Variants in PMP22 observed in about 807,000 individuals in gnomAD.
The protein encoded by PMP22 is peripheral myelin protein 22, also known as Charcot-Marie-Tooth neuropathy 1A (greatly reduced nerve conduction velocity, hereditary motor sensory neuropathy Ia).
Under a neutral mutation model 18.9 loss-of-function variants are expected in PMP22, and 2 were observed. That is an observed-to-expected ratio of 0.11 (90% CI 0.04 to 0.33). The LOEUF is 0.33. PMP22 is among the 10% of genes least tolerant of loss of function. The pLI is 1.00. For missense variants in PMP22, 169 were observed against 202.2 expected (o/e 0.84, Z 1.00); for synonymous variants, 95 against 89.2 (o/e 1.07, Z -0.37).
chr17:15,239,600 A>T lies in PMP22; in HGVS notation c.190T>A (p.Ser64Thr). 6.2e-7 allele frequency: 1 copy of T among 1,613,950 alleles called. No individual in the cohort carries two copies. ...FSSSPNEWLQ[S>T]VQATMILSII... ...GACAGGATCATGGTGGCCTGGACAGACTGCAGCCATTCTGGGGGAAAGAGA... is the reference window on the plus strand; with the variant it reads ...GACAGGATCATGGTGGCCTGGACAGTCTGCAGCCATTCTGGGGGAAAGAGA... The change falls in exon 4 of 5, where the codon TCT (serine) becomes ACT (threonine). Residue 64 changes from serine to threonine, a missense_variant. Transcript: ENST00000312280.
At position 15,249,337 on chromosome 17, in the gene PMP22, T is replaced by C. The variant is rs528382820; in HGVS notation, c.179-9726A>G. ...CCTACCTCAATGCCTGCTCTGCTTT[T>C]AGGAAACCAGGGTACCTGCCCCAGG... is the stretch of plus-strand genomic sequence containing the variant. On this transcript the variant is annotated intron_variant, in intron 3 of 4. Transcript: ENST00000312280. Among the ~76,000 whole-genome samples the C allele has an allele frequency of 4.6e-5, 7 of 152,288 alleles. No homozygotes were observed. In the East Asian group the frequency reaches 1.4e-3, roughly 29 times the overall value.
chr17:15,262,762 G>T (rs1909448310), intron 1 of PMP22, among the ~76,000 whole-genome samples: 1 of 152,190 alleles, frequency 6.6e-6, no homozygotes, highest in African/African-American at 2.4e-5. Flanking sequence ...ACTTTTACTC[G>T]AAACCAGAGG....
At chr17:15,264,443 A>G (rs1432957933) in intron 1 of PMP22, among the ~76,000 whole-genome samples, 1 of 152,232 alleles carries the variant, frequency 6.6e-6, no homozygotes, top group African/African-American at 2.4e-5. Flanking sequence ...TGATCACAAC[A>G]TACTCAGGAC....
intron 3 of PMP22, among the ~76,000 whole-genome samples, chr17:15,246,359 T>C (rs1393141240): frequency 6.6e-6 from 1 of 152,220 alleles, no homozygotes; most frequent in Admixed American, 6.5e-5. Context: ...ATTTATCCAA[T>C]AAAATCTTAT....
chr17:15,247,572 G>A (rs1240578140), intron 3 of PMP22, among the ~76,000 whole-genome samples: 1 of 152,196 alleles, frequency 6.6e-6, no homozygotes, highest in African/African-American at 2.4e-5. Context: ...AGGAGCAGCT[G>A]AGCAATGAAG....
chr17:15,263,130 G>A (rs925826627), intron 1 of PMP22, among the ~76,000 whole-genome samples: 2 of 152,210 alleles, frequency 1.3e-5, no homozygotes, highest in Non-Finnish European at 2.9e-5. Flanking sequence ...CCTAGGATTG[G>A]CGGGGATTGA....
At chr17:15,239,671 C>A in intron 3 of PMP22, 60 bp from the exon 4 acceptor site, 1 of 1,588,650 alleles carries the variant, frequency 6.3e-7, no homozygotes, top group Admixed American at 1.7e-5. Flanking sequence ...GGCTCTGCCT[C>A]GAGGTGCAGG....
rs375449671 is a variant in PMP22, at chr17:15,230,993, T to G, written c.407A>C (p.Tyr136Ser). ...GGGGAAGGCCACCCAGGCCAGGATG[T>G]AGGCGAAACCGTAGGAGTAATCCGA... The part of the protein sequence containing the change: ...LNSDYSYGFA[Y>S]ILAWVAFPLA... The change falls in exon 5 of 5, where the codon TAC becomes TCC. Residue 136 changes from tyrosine to serine, a missense_variant. Physicochemically the swap from Tyr to Ser is moderately radical, Grantham distance 144. Transcript: ENST00000312280. 10 of 1,614,052 alleles carry G rather than the reference T, an allele frequency of 6.2e-6. No homozygotes were observed. Among genetic ancestry groups the G allele is most frequent in the Non-Finnish European group, 8.5e-6 (10 of 1,180,034 alleles).
chr17:15,233,965 G>A (rs1000004006), intron 4 of PMP22, among the ~76,000 whole-genome samples: 1 of 152,224 alleles, frequency 6.6e-6, no homozygotes, highest in Non-Finnish European at 1.5e-5. Flanking sequence ...GGAAACTTCA[G>A]CAGAGGAGAA....
Position 15,258,706 on chromosome 17 carries a change from C to T in PMP22, c.178+388G>A. On this transcript the variant is annotated intron_variant, in intron 3 of 4. Coordinates refer to ENST00000312280, the MANE Select transcript of PMP22 (RefSeq NM_000304.4). This position sits in a 1 kb window ranked among gnomAD's most constrained non-coding sequence, Gnocchi z 4.1. ...TGCAGCAGAAAGGGGCAGGACATTT[C>T]TGAATAGAGACAGCCACCAAACCAA... is the stretch of plus-strand genomic sequence containing the variant. 1 of 335,860 alleles carries T rather than the reference C, an allele frequency of 3.0e-6. No homozygotes were observed. The highest frequency in any genetic ancestry group is 2.5e-5 in the South Asian group (1 of 39,466). 20.8% of individuals were successfully genotyped at this position (335,860 alleles called of 1,614,324 possible).
chr17:15,249,144 C>T (rs970936988), intron 3 of PMP22, among the ~76,000 whole-genome samples: 5 of 152,206 alleles, frequency 3.3e-5, no homozygotes, highest in African/African-American at 1.2e-4. Flanking sequence ...CGTTTACAAG[C>T]ACAAAACCCA....
intron 3 of PMP22, among the ~76,000 whole-genome samples, chr17:15,246,311 A>T (rs1458023804): frequency 2.6e-5 from 4 of 152,204 alleles, no homozygotes; most frequent in African/African-American, 9.6e-5. Context: ...CATGGACAAG[A>T]TGTAAATGAG....
intron 1 of PMP22, among the ~76,000 whole-genome samples, chr17:15,264,365 A>T (rs1219697197): frequency 3.9e-5 from 6 of 152,156 alleles, no homozygotes; most frequent in Admixed American, 3.9e-4. Context: ...TATAAGTTAG[A>T]TTTGCTCTAG....
intron 4 of PMP22, among the ~76,000 whole-genome samples, chr17:15,237,936 G>T (rs1230407183): frequency 6.6e-6 from 1 of 151,738 alleles, no homozygotes; most frequent in East Asian, 1.9e-4. Context: ...TATCTTGAGG[G>T]CATATCCACT....
chr17:15,263,538 G>T (rs1909504868), intron 1 of PMP22, among the ~76,000 whole-genome samples: 1 of 151,796 alleles, frequency 6.6e-6, no homozygotes, highest in Non-Finnish European at 1.5e-5. Flanking sequence ...GAATGTGGAT[G>T]TTAAAGGTTT....
chr17:15,254,211 A>G (rs1908611901), intron 3 of PMP22, among the ~76,000 whole-genome samples: 1 of 152,196 alleles, frequency 6.6e-6, no homozygotes, highest in African/African-American at 2.4e-5. Context: ...AAAGGTTTCA[A>G]AATGAGGAGT....
intron 1 of PMP22, among the ~76,000 whole-genome samples, chr17:15,262,937 C>T (rs1338317623): frequency 6.6e-6 from 1 of 152,086 alleles, no homozygotes; most frequent in Non-Finnish European, 1.5e-5. Flanking sequence ...CGACCGCGCC[C>T]GCGCGGGGCT....
At chr17:15,234,141 G>C (rs926413713) in intron 4 of PMP22, among the ~76,000 whole-genome samples, 1 of 152,120 alleles carries the variant, frequency 6.6e-6, no homozygotes, top group Non-Finnish European at 1.5e-5. Context: ...TGCCTACGGA[G>C]GATGCTACCC....
In PMP22 at chr17:15,259,938, CAAA is replaced by C. The variant is rs61415317; in HGVS notation, c.78+709_78+711del. 2.4e-3 allele frequency among the ~76,000 whole-genome samples: 230 copies of C among 97,838 alleles called. 3 individuals carry two copies. The highest frequency in any genetic ancestry group is 7.6e-3 in the African/African-American group (208 of 27,406). The allele number at this position is 97,838 out of a possible 152,430, so 64.2% of individuals were successfully genotyped here. A position where few individuals can be genotyped will look rare whatever the true frequency, so the allele number is the denominator to read the frequency against. On this transcript the variant is annotated intron_variant, in intron 2 of 4. Transcript: ENST00000312280. ...GGGTGACAGGCTGGAGACTCCATCTCAAAAAAAAAAAAAAAAAGAAAAGAAAAG... is the reference window on the plus strand; with the variant it reads ...GGGTGACAGGCTGGAGACTCCATCTCAAAAAAAAAAAAAAGAAAAGAAAAG...
Sources: gnomAD v4.1 joint callset for allele counts (sites outside exome capture counted in the v4.1 genomes callset) on GRCh38, gnomAD v4.1.1 for gene constraint, Gnocchi (gnomAD v3.1) non-coding constraint, MANE v1.5 for transcripts, NCBI Gene and HGNC (gene_info 2026-07-23, HGNC 2026-07-21) for gene names.